The following VAMP7 variants were observed in gnomAD, a reference collection of about 807,000 sequenced individuals.
VAMP7 encodes vesicle associated membrane protein 7.
A neutral mutation model predicts 29.6 loss-of-function variants in VAMP7; 14 were observed. That is an observed-to-expected ratio of 0.47 (90% CI 0.31 to 0.74). The LOEUF is 0.74. VAMP7 is among the 30% of genes least tolerant of loss of function. The probability of loss-of-function intolerance (pLI) is 0.05; values close to 1 mark genes in which losing one functional copy is unlikely to be tolerated. For missense variants in VAMP7, 223 were observed against 262.4 expected (o/e 0.85, Z 1.04); for synonymous variants, 95 against 88.1 (o/e 1.08, Z -0.44).
chrX:155,918,529 C>T (rs1170889830), intron 5 of VAMP7, among the ~76,000 whole-genome samples: 1 of 152,142 alleles, frequency 6.6e-6, no homozygotes, highest in African/African-American at 2.4e-5. Flanking sequence ...CCTCACGGCA[C>T]GGTCCCTCAA....
At chrX:155,897,712 T>C (rs758054556) in intron 3 of VAMP7, among the ~76,000 whole-genome samples, 1 of 152,278 alleles carries the variant, frequency 6.6e-6, no homozygotes, top group Non-Finnish European at 1.5e-5. Context: ...TCAGTAGTAG[T>C]ATCTGTATGT....
At chrX:155,928,071 C>T (rs371739423) in intron 6 of VAMP7, among the ~76,000 whole-genome samples, 119 of 151,920 alleles carry the variant, frequency 7.8e-4, no homozygotes, top group African/African-American at 2.7e-3. Flanking sequence ...CACAGGCATG[C>T]GCCATCACAC....
chrX:155,933,663 A>T (rs1228022156), intron 6 of VAMP7, among the ~76,000 whole-genome samples: 1 of 152,024 alleles, frequency 6.6e-6, no homozygotes, highest in Admixed American at 6.6e-5. Flanking sequence ...CAGCTCCTGG[A>T]TTCATTGATT....
chrX:155,928,482 G>C (rs1018463452), intron 6 of VAMP7, among the ~76,000 whole-genome samples: 2 of 152,122 alleles, frequency 1.3e-5, no homozygotes, highest in African/African-American at 4.8e-5. Context: ...GCTTCAGGTG[G>C]CTGCCAGTAT....
chrX:155,900,393 T>C, intron 4 of VAMP7, 104 bp from the exon 5 acceptor site: 1 of 871,802 alleles, frequency 1.1e-6, no homozygotes, highest in South Asian at 1.9e-5. Flanking sequence ...AATAGAGACA[T>C]AATTTTATAG....
chrX:155,913,835 A>C (rs1181547792), intron 5 of VAMP7, among the ~76,000 whole-genome samples: 1 of 152,156 alleles, frequency 6.6e-6, no homozygotes, highest in Non-Finnish European at 1.5e-5. Flanking sequence ...CTTCTTGCTT[A>C]GGATTGTCTT....
At chrX:155,899,978 A>G (rs1405986814) in intron 4 of VAMP7, among the ~76,000 whole-genome samples, 2 of 152,090 alleles carry the variant, frequency 1.3e-5, no homozygotes, top group Non-Finnish European at 2.9e-5. Flanking sequence ...ACTATATATT[A>G]TCAGTGTCTT....
chrX:155,891,220 A>G (rs1293251405), intron 2 of VAMP7, among the ~76,000 whole-genome samples: 1 of 152,204 alleles, frequency 6.6e-6, no homozygotes, highest in Non-Finnish European at 1.5e-5. Context: ...GGCTCAACTA[A>G]AACTCTGTTA....
intron 5 of VAMP7, among the ~76,000 whole-genome samples, chrX:155,918,352 T>G (rs1229042432): frequency 6.6e-6 from 1 of 151,234 alleles, no homozygotes. Context: ...GCCACTGGGG[T>G]ATGAAAAAAA....
intron 6 of VAMP7, among the ~76,000 whole-genome samples, chrX:155,935,966 T>C (rs904917936): frequency 6.6e-6 from 1 of 152,138 alleles, no homozygotes; most frequent in African/African-American, 2.4e-5. Flanking sequence ...GGAGGGCCAC[T>C]CCAGACCCTG....
chrX:155,925,217 C>CGAAT, intron 6 of VAMP7, among the ~76,000 whole-genome samples: 1 of 152,208 alleles, frequency 6.6e-6, no homozygotes, highest in South Asian at 2.1e-4. Flanking sequence ...TGACTTCCTC[C>CGAAT]CACGAATCAT....
chrX:155,926,003 G>A (rs1466090805), intron 6 of VAMP7, among the ~76,000 whole-genome samples: 1 of 152,156 alleles, frequency 6.6e-6, no homozygotes, highest in Non-Finnish European at 1.5e-5. Flanking sequence ...TTGAGCAGCA[G>A]ATCTCCACAG....
intron 5 of VAMP7, among the ~76,000 whole-genome samples, chrX:155,918,949 T>C (rs1473076190): frequency 6.6e-6 from 1 of 152,218 alleles, no homozygotes; most frequent in Non-Finnish European, 1.5e-5. Context: ...CATGGTGTAT[T>C]ATCTTTTTGA....
intron 6 of VAMP7, among the ~76,000 whole-genome samples, chrX:155,928,636 A>G (rs1439462253): frequency 6.6e-6 from 1 of 152,156 alleles, no homozygotes; most frequent in Non-Finnish European, 1.5e-5. Context: ...ATAATCCAGG[A>G]TACTCTCTTC....
intron 6 of VAMP7, among the ~76,000 whole-genome samples, chrX:155,927,481 CAA>C (rs531998416): frequency 3.2e-4 from 36 of 111,582 alleles, no homozygotes; most frequent in African/African-American, 1.1e-3. Context: ...TTCGATTTGC[CAA>C]AAAAAAAAAA....
chrX:155,934,956 A>G (rs1252602908), intron 6 of VAMP7, among the ~76,000 whole-genome samples: 3 of 152,084 alleles, frequency 2.0e-5, no homozygotes, highest in Non-Finnish European at 2.9e-5. Flanking sequence ...TCCTTCACCT[A>G]TGAAGCTTAG....
At chrX:155,927,169 A>G (rs776002036) in intron 6 of VAMP7, among the ~76,000 whole-genome samples, 27 of 152,130 alleles carry the variant, frequency 1.8e-4, no homozygotes, top group Non-Finnish European at 3.2e-4. Flanking sequence ...GAGTTGAACA[A>G]TGAGAACACA....
chrX:155,920,830 T>C (rs1017530674), intron 6 of VAMP7, among the ~76,000 whole-genome samples: 1 of 152,218 alleles, frequency 6.6e-6, no homozygotes, highest in Admixed American at 6.5e-5. Context: ...TCATCATTAT[T>C]GTTAATTTTA....
At chrX:155,911,619 AG>A (rs2066238967) in intron 5 of VAMP7, among the ~76,000 whole-genome samples, 3 of 151,532 alleles carry the variant, frequency 2.0e-5, no homozygotes, top group Non-Finnish European at 4.4e-5. Flanking sequence ...TGTCATCTTC[AG>A]TTTTTTTCAT....
Sources: gnomAD v4.1 joint callset for allele counts (sites outside exome capture counted in the v4.1 genomes callset) on GRCh38, gnomAD v4.1.1 for gene constraint, MANE v1.5 for transcripts, NCBI Gene and HGNC (gene_info 2026-07-23, HGNC 2026-07-21) for gene names.